Variants in SAMD5 observed in about 807,000 individuals in gnomAD.
SAMD5 encodes the protein sterile alpha motif domain-containing protein 5.
Under a neutral mutation model 11.3 loss-of-function variants are expected in SAMD5, and 13 were observed. The ratio of observed to expected loss-of-function variants is 1.15; its 90% CI spans 0.75 to 1.83. The LOEUF (loss-of-function observed/expected upper bound fraction) is 1.83, where lower values mean the gene tolerates loss of function less well. SAMD5 is among the 40% of genes most tolerant of loss of function. SAMD5 has a pLI of 0.00. For missense variants in SAMD5, 255 were observed against 239.1 expected (o/e 1.07, Z -0.44); for synonymous variants, 129 against 111.3 (o/e 1.16, Z -1.00).
chr6:147,917,680 T>C, the SAMD5 span, among the ~76,000 whole-genome samples: 2 of 152,250 alleles, frequency 1.3e-5, no homozygotes, highest in Admixed American at 1.3e-4. Flanking sequence ...CTAGGGTTTT[T>C]ATGGTTTTAG....
chr6:147,946,934 T>C, the SAMD5 span, among the ~76,000 whole-genome samples: 1 of 152,194 alleles, frequency 6.6e-6, no homozygotes, highest in Non-Finnish European at 1.5e-5. Context: ...TTATCTGAGA[T>C]ATGAGGGCCA....
chr6:147,949,851 A>C, the SAMD5 span, among the ~76,000 whole-genome samples: 1 of 152,254 alleles, frequency 6.6e-6, no homozygotes, highest in Non-Finnish European at 1.5e-5. Flanking sequence ...TCATTTTGTT[A>C]TACTGCATTT....
the SAMD5 span, among the ~76,000 whole-genome samples, chr6:147,773,330 A>G: frequency 6.6e-6 from 1 of 152,212 alleles, no homozygotes; most frequent in South Asian, 2.1e-4. Flanking sequence ...CATCAGATAC[A>G]GATGCTGCAG....
chr6:147,838,819 C>T, the SAMD5 span, among the ~76,000 whole-genome samples: 2 of 152,144 alleles, frequency 1.3e-5, no homozygotes, highest in African/African-American at 2.4e-5. Flanking sequence ...AAGGCAGCAG[C>T]CCTCCACATA....
chr6:147,606,914 A>G (rs1583104167), intron 1 of SAMD5, among the ~76,000 whole-genome samples: 1 of 151,140 alleles, frequency 6.6e-6, no homozygotes, highest in Non-Finnish European at 1.5e-5. Context: ...AAGGAGGAAC[A>G]GAGAGAACTG....
rs140358293 is a variant in SAMD5, at chr6:147,641,969, A to T, written c.163-95348A>T. Among the ~76,000 whole-genome samples the T allele has an allele frequency of 6.7e-4, 102 of 152,318 alleles. 1 individual carries two copies. The highest frequency in any genetic ancestry group is 2.2e-3 in the African/African-American group (93 of 41,580). On this transcript the variant is annotated intron_variant, in intron 1 of 1. Coordinates refer to the SAMD5 transcript ENST00000566741. ...TGTCATACAACAATGACAGTCTAAC[A>T]TGAAGATGTTTGATTTATTTTCCTA...
chr6:147,860,970 G>A, the SAMD5 span, among the ~76,000 whole-genome samples: 7 of 152,158 alleles, frequency 4.6e-5, no homozygotes, highest in East Asian at 7.7e-4. Flanking sequence ...GAAAACATAT[G>A]TATAGTGATG....
chr6:147,554,446 A>C (rs1788821716), intron 1 of SAMD5, among the ~76,000 whole-genome samples: 1 of 152,176 alleles, frequency 6.6e-6, no homozygotes, highest in Admixed American at 6.5e-5. Flanking sequence ...GCCAGGCTTC[A>C]GTGTTTGGGG....
At position 147,525,624 on chromosome 6, in the gene SAMD5, G is replaced by A. The variant is rs79426973; in HGVS notation, c.459+16237G>A. Among the ~76,000 whole-genome samples, 144 of 152,020 alleles carry A rather than the reference G, an allele frequency of 9.5e-4. 1 individual carries two copies. In the East Asian group the frequency reaches 0.025, roughly 26 times the overall value. On this transcript the variant is annotated intron_variant, in intron 1 of 1. Coordinates refer to ENST00000367474, the MANE Select transcript of SAMD5 (RefSeq NM_001030060.3). ...AGGCCGAATTTAAATCACAGTCATC[G>A]GCCTTCTAAAGTGAGTGGTTCAGAA... is the stretch of plus-strand genomic sequence containing the variant.
chr6:147,564,372 C>G (rs543625839), intron 1 of SAMD5, 22 bp from the exon 2 acceptor site: 1 of 780,026 alleles, frequency 1.3e-6, no homozygotes, highest in African/African-American at 1.7e-5. Flanking sequence ...CTTCAATAAC[C>G]CAGATATGTT....
At chr6:147,947,257 G>C in the SAMD5 span, among the ~76,000 whole-genome samples, 1 of 152,136 alleles carries the variant, frequency 6.6e-6, no homozygotes, top group Non-Finnish European at 1.5e-5. Context: ...AAGAGTTTTT[G>C]CAACAACATG....
At chr6:147,814,567 C>A in the SAMD5 span, among the ~76,000 whole-genome samples, 1 of 152,108 alleles carries the variant, frequency 6.6e-6, no homozygotes, top group African/African-American at 2.4e-5. Flanking sequence ...GGGAGGAGAG[C>A]TTTCTGATAC....
the SAMD5 span, among the ~76,000 whole-genome samples, chr6:147,748,920 C>G: frequency 6.6e-6 from 1 of 152,202 alleles, no homozygotes; most frequent in African/African-American, 2.4e-5. Context: ...GTAGTTTGAT[C>G]TGGCAGTACA....
At chr6:147,778,044 A>G in the SAMD5 span, among the ~76,000 whole-genome samples, 1 of 152,316 alleles carries the variant, frequency 6.6e-6, no homozygotes, top group East Asian at 1.9e-4. Context: ...AGGAACTGCA[A>G]AACTGTTTTC....
chr6:147,953,904 C>T, the SAMD5 span: 5 of 152,230 alleles, frequency 3.3e-5, no homozygotes, highest in Admixed American at 6.5e-5. Context: ...AAAAGATAAT[C>T]ATCATTTGCT....
chr6:147,936,185 C>G, the SAMD5 span, among the ~76,000 whole-genome samples: 2 of 152,148 alleles, frequency 1.3e-5, no homozygotes, highest in African/African-American at 4.8e-5. Context: ...ATGTTGTACT[C>G]TTCTCAGCCT....
chr6:147,872,288 G>A, the SAMD5 span, among the ~76,000 whole-genome samples: 2 of 151,756 alleles, frequency 1.3e-5, no homozygotes, highest in South Asian at 4.2e-4. Context: ...TTTAGAGATG[G>A]GGTCTTGCTC....
At chr6:147,667,178 AGCATAAG>A (rs1244561269) in intron 1 of SAMD5, among the ~76,000 whole-genome samples, 2 of 152,182 alleles carry the variant, frequency 1.3e-5, no homozygotes, top group Non-Finnish European at 2.9e-5. Flanking sequence ...TACAGAGATA[AGCATAAG>A]GCCTGTGTGT....
At chr6:147,660,187 C>T (rs914228913) in intron 1 of SAMD5, among the ~76,000 whole-genome samples, 14 of 152,126 alleles carry the variant, frequency 9.2e-5, no homozygotes, top group Non-Finnish European at 1.0e-4. Context: ...GATGTTCAGG[C>T]AATAATTGGA....
Sources: gnomAD v4.1 joint callset for allele counts (sites outside exome capture counted in the v4.1 genomes callset) on GRCh38, gnomAD v4.1.1 for gene constraint, MANE v1.5 for transcripts, NCBI Gene and HGNC (gene_info 2026-07-23, HGNC 2026-07-21) for gene names.